PARD3B: variants seen among roughly 807,000 people sequenced by gnomAD.
The protein encoded by PARD3B is par-3 family cell polarity regulator beta, also known as partitioning defective 3 homolog B.
PARD3B carries 103 observed loss-of-function variants against 130.2 expected under a neutral mutation model. The observed-to-expected ratio is 0.79, with a 90% CI of 0.67 to 0.93. The LOEUF is 0.93. PARD3B is among the 40% of genes least tolerant of loss of function. PARD3B has a pLI of 0.00. For missense variants in PARD3B, 1,609 were observed against 1,499.2 expected (o/e 1.07, Z -1.21); for synonymous variants, 583 against 553.2 (o/e 1.05, Z -0.76).
Position 204,673,326 on chromosome 2 carries a change from A to G in PARD3B, c.121-12855A>G, listed in dbSNP as rs1258853148. Among the ~76,000 whole-genome samples, 1 of 152,238 alleles carries G rather than the reference A, an allele frequency of 6.6e-6. No individual in the cohort carries two copies. Among genetic ancestry groups the G allele is most frequent in the Admixed American group, 6.5e-5 (1 of 15,290 alleles). On this transcript the variant is annotated intron_variant, in intron 1 of 22. Transcript: ENST00000406610. The surrounding 1 kb of genome is among the most constrained non-coding windows in gnomAD (Gnocchi z 4.7). ...AAACATATTTAATGCTGATGTAAAA[A>G]GTAGTAGAATTTTATTTCATTTTGT...
chr2:205,082,828 A>G (rs1441685276), intron 4 of PARD3B, among the ~76,000 whole-genome samples: 1 of 152,176 alleles, frequency 6.6e-6, no homozygotes, highest in African/African-American at 2.4e-5. Flanking sequence ...AATGGGCAAC[A>G]TATTACTAAC....
chr2:205,573,083 A>G (rs1021132284), intron 22 of PARD3B, among the ~76,000 whole-genome samples: 1 of 152,024 alleles, frequency 6.6e-6, no homozygotes, highest in African/African-American at 2.4e-5. Context: ...TCTCATGAGA[A>G]CTCACTCACT....
intron 1 of PARD3B, among the ~76,000 whole-genome samples, chr2:204,557,590 T>G (rs1174622585): frequency 2.0e-5 from 3 of 152,186 alleles, no homozygotes; most frequent in Non-Finnish European, 4.4e-5. Context: ...TTTGTCAAAT[T>G]CCACATTTTT....
intron 5 of PARD3B, among the ~76,000 whole-genome samples, chr2:205,112,943 T>G (rs1703744910): frequency 6.6e-6 from 1 of 152,204 alleles, no homozygotes; most frequent in Non-Finnish European, 1.5e-5. Flanking sequence ...AAAGCAAGTT[T>G]GAGTTTTGAT....
At chr2:205,247,536 T>G (rs1250916271) in intron 16 of PARD3B, among the ~76,000 whole-genome samples, 1 of 152,246 alleles carries the variant, frequency 6.6e-6, no homozygotes, top group African/African-American at 2.4e-5. Context: ...CCAACAGTCT[T>G]TATGTCACAT....
At chr2:204,617,897 A>G (rs2034168828) in intron 1 of PARD3B, among the ~76,000 whole-genome samples, 1 of 152,204 alleles carries the variant, frequency 6.6e-6, no homozygotes, top group African/African-American at 2.4e-5. Context: ...CTGGCTGCAC[A>G]GTATTCTGTG....
In PARD3B at chr2:205,187,565, C is replaced by T. The variant is rs551642766; in HGVS notation, c.2024+1702C>T. ...GTGCAGGGGAGGCTAGAGAGAAGCA[C>T]TCAGATGAGAAACCTTCAAGGGAGA... On this transcript the variant is annotated intron_variant, in intron 14 of 22. Transcript: ENST00000406610. This position sits in a 1 kb window ranked among gnomAD's most constrained non-coding sequence, Gnocchi z 4.9. 5.9e-5 allele frequency among the ~76,000 whole-genome samples: 9 copies of T among 152,154 alleles called. No homozygotes were observed. Among genetic ancestry groups the T allele is most frequent in the Admixed American group, 2.6e-4 (4 of 15,284 alleles).
At chr2:204,667,994 A>G (rs1274104797) in intron 1 of PARD3B, among the ~76,000 whole-genome samples, 5 of 152,238 alleles carry the variant, frequency 3.3e-5, no homozygotes, top group African/African-American at 1.2e-4. Flanking sequence ...GACAGAAGAA[A>G]GCAGGGGATC....
rs75070299 is a variant in PARD3B at position 205,047,648 on chromosome 2, C to G, written c.462C>G (p.Ser154Arg). Residue 154 changes from serine (S) to arginine (R), a missense_variant, in exon 4 of 23, where the codon AGC becomes AGG. Coordinates refer to ENST00000406610, the MANE Select transcript of PARD3B (RefSeq NM_001302769.2). ...GCCCACCTGCTGATACCCAGCCAAG[C>G]GCTTCACACCCTGGTGGCCAGAGTC... is the stretch of plus-strand genomic sequence containing the variant. Reference protein sequence around the residue: ...VPGPPADTQPSASHPGGQSLK... With the variant: ...VPGPPADTQPRASHPGGQSLK... 3.9e-6 allele frequency: 6 copies of G among 1,550,804 alleles called. No homozygotes were observed. The highest frequency in any genetic ancestry group is 3.6e-5 in the South Asian group (3 of 84,044).
chr2:204,772,039 C>T (rs921133341), intron 2 of PARD3B, among the ~76,000 whole-genome samples: 4 of 152,022 alleles, frequency 2.6e-5, no homozygotes, highest in Non-Finnish European at 5.9e-5. Context: ...CTTGTCTTTG[C>T]ATGAACAAAA....
At chr2:204,613,642 T>G (rs2034008704) in intron 1 of PARD3B, among the ~76,000 whole-genome samples, 1 of 152,044 alleles carries the variant, frequency 6.6e-6, no homozygotes, top group Non-Finnish European at 1.5e-5. Context: ...CTGTAACATT[T>G]TCTAAGGTTT....
intron 2 of PARD3B, among the ~76,000 whole-genome samples, chr2:204,710,531 CA>C (rs2125297957): frequency 6.6e-6 from 1 of 152,320 alleles, no homozygotes; most frequent in South Asian, 2.1e-4. Flanking sequence ...GAAGTTTAGA[CA>C]GGGGCTCAAA....
intron 18 of PARD3B, among the ~76,000 whole-genome samples, chr2:205,312,712 A>G (rs941312402): frequency 6.6e-6 from 1 of 152,162 alleles, no homozygotes; most frequent in African/African-American, 2.4e-5. Context: ...TGAGCCATGA[A>G]TATTTTGTTT....
chr2:205,326,113 G>T (rs2042931684), intron 18 of PARD3B, among the ~76,000 whole-genome samples: 1 of 152,214 alleles, frequency 6.6e-6, no homozygotes, highest in Admixed American at 6.5e-5. Context: ...AGGATAACTG[G>T]TGTTAGTTTC....
At chr2:204,935,147 T>C (rs1234867103) in intron 2 of PARD3B, among the ~76,000 whole-genome samples, 13 of 43,638 alleles carry the variant, frequency 3.0e-4, no homozygotes, top group African/African-American at 9.0e-4. Context: ...TTTTCCCTAC[T>C]TTTTTTTTTT....
intron 18 of PARD3B, among the ~76,000 whole-genome samples, chr2:205,359,242 G>A (rs534659704): frequency 6.6e-6 from 1 of 152,266 alleles, no homozygotes; most frequent in Admixed American, 6.5e-5. Flanking sequence ...TTGTCAGCAA[G>A]TTAATAATTC....
chr2:204,838,003 A>G (rs768836485), intron 2 of PARD3B, among the ~76,000 whole-genome samples: 1 of 142,020 alleles, frequency 7.0e-6, no homozygotes, highest in Non-Finnish European at 1.6e-5. Flanking sequence ...CAATGATAAC[A>G]TCAAGGAGCT....
At chr2:204,957,838 C>G (rs955069205) in intron 2 of PARD3B, among the ~76,000 whole-genome samples, 5 of 152,208 alleles carry the variant, frequency 3.3e-5, no homozygotes, top group Middle Eastern at 3.4e-3. Context: ...ATTTCACAGT[C>G]TTACTTAGAT....
chr2:204,950,897 C>G (rs1689712394), intron 2 of PARD3B, among the ~76,000 whole-genome samples: 1 of 152,164 alleles, frequency 6.6e-6, no homozygotes, highest in African/African-American at 2.4e-5. Flanking sequence ...TCTCACTGCT[C>G]TGGAATTTTT....
Sources: gnomAD v4.1 joint callset for allele counts (sites outside exome capture counted in the v4.1 genomes callset) on GRCh38, gnomAD v4.1.1 for gene constraint, Gnocchi (gnomAD v3.1) non-coding constraint, MANE v1.5 for transcripts, NCBI Gene and HGNC (gene_info 2026-07-23, HGNC 2026-07-21) for gene names.